Variants in NR3C2 observed in about 807,000 individuals in gnomAD.
The protein encoded by NR3C2 is nuclear receptor subfamily 3 group C member 2.
A neutral mutation model predicts 86.4 loss-of-function variants in NR3C2; 15 were observed. The observed-to-expected ratio is 0.17, with a 90% CI of 0.12 to 0.27. NR3C2 has a LOEUF of 0.27. Ranked by LOEUF, NR3C2 falls within the 10% of genes least tolerant of loss-of-function variation. The probability of loss-of-function intolerance (pLI) is 1.00; values close to 1 mark genes in which losing one functional copy is unlikely to be tolerated. For missense variants in NR3C2, 960 were observed against 1,195.6 expected (o/e 0.80, Z 2.91); for synonymous variants, 458 against 450.5 (o/e 1.02, Z -0.21).
chr4:148,251,370 A>G (rs757286854), intron 3 of NR3C2, among the ~76,000 whole-genome samples: 12 of 152,202 alleles, frequency 7.9e-5, no homozygotes, highest in Non-Finnish European at 1.3e-4. Context: ...ATGACAGTCA[A>G]TTTAGCAATT....
chr4:148,214,972 G>GGGCTGCGTGCAGCCTTC, intron 3 of NR3C2, among the ~76,000 whole-genome samples: 1 of 123,006 alleles, frequency 8.1e-6, no homozygotes, highest in Admixed American at 7.4e-5. Context: ...ATGCAGCCTG[G>GGGCTGCGTGCAGCCTTC]GGCTGCGTGC....
At chr4:148,294,906 T>C (rs1741972704) in intron 2 of NR3C2, among the ~76,000 whole-genome samples, 2 of 152,246 alleles carry the variant, frequency 1.3e-5, no homozygotes, top group East Asian at 3.9e-4. Flanking sequence ...GAGGATTGCT[T>C]GAGCCTAGGA....
intron 2 of NR3C2, among the ~76,000 whole-genome samples, chr4:148,290,126 T>A (rs189688064): frequency 0.014 from 2,163 of 152,192 alleles, 45 homozygotes; most frequent in African/African-American, 0.05. Context: ...TTCCGGGGCC[T>A]CTCTCTGTCT....
chr4:148,285,898 TA>T (rs1741497837), intron 2 of NR3C2, among the ~76,000 whole-genome samples: 1 of 152,226 alleles, frequency 6.6e-6, no homozygotes, highest in Non-Finnish European at 1.5e-5. Context: ...TGATACATTA[TA>T]AAATACATTT....
chr4:148,357,046 A>G (rs1297648242), intron 2 of NR3C2, among the ~76,000 whole-genome samples: 1 of 152,148 alleles, frequency 6.6e-6, no homozygotes, highest in Admixed American at 6.5e-5. Context: ...ACAATTTCAT[A>G]TAGGTTGAAC....
chr4:148,279,697 T>C (rs1354196892), intron 2 of NR3C2, among the ~76,000 whole-genome samples: 2 of 152,136 alleles, frequency 1.3e-5, no homozygotes, highest in East Asian at 3.8e-4. Context: ...TTGCATACAT[T>C]CTGTACTACA....
intron 1 of NR3C2, among the ~76,000 whole-genome samples, chr4:148,438,710 CATAA>C (rs1328464668): frequency 1.3e-5 from 2 of 152,100 alleles, no homozygotes; most frequent in African/African-American, 4.8e-5. Flanking sequence ...TAGCTGGACT[CATAA>C]ATAAATTTGC....
chr4:148,388,936 C>G (rs1255621800), intron 2 of NR3C2, among the ~76,000 whole-genome samples: 2 of 152,190 alleles, frequency 1.3e-5, no homozygotes, highest in African/African-American at 4.8e-5. Context: ...ATACACTTTG[C>G]CTTTGCAGGA....
chr4:148,376,145 C>CAAAAAAAAAAAA lies in NR3C2; in HGVS notation c.1757+58947_1757+58958dup, dbSNP rs70962716. ...AATCTATTCAAGGTCAGGAGTAAGG[C>CAAAAAAAAAAAA]AAAAAAAAAAAAAAAAACCCACGAC... On this transcript the variant is annotated intron_variant, in intron 2 of 8. Coordinates refer to ENST00000358102, the MANE Select transcript of NR3C2 (RefSeq NM_000901.5). Among the ~76,000 whole-genome samples the CAAAAAAAAAAAA allele has an allele frequency of 1.9e-5, 2 of 105,842 alleles. 1 individual carries two copies. Among genetic ancestry groups the CAAAAAAAAAAAA allele is most frequent in the Non-Finnish European group, 3.8e-5 (2 of 52,312 alleles). 69.4% of individuals were successfully genotyped at this position (105,842 alleles called of 152,430 possible).
At chr4:148,385,489 C>T (rs1747216070) in intron 2 of NR3C2, among the ~76,000 whole-genome samples, 1 of 152,212 alleles carries the variant, frequency 6.6e-6, no homozygotes. Context: ...CCTCAGGTTG[C>T]TCAGATTTCT....
At chr4:148,103,031 G>C (rs950875209) in intron 8 of NR3C2, among the ~76,000 whole-genome samples, 1 of 152,080 alleles carries the variant, frequency 6.6e-6, no homozygotes, top group Non-Finnish European at 1.5e-5. Context: ...TTGGATACAA[G>C]GACATTCTCT....
chr4:148,298,146 T>C (rs547252577), intron 2 of NR3C2, among the ~76,000 whole-genome samples: 186 of 152,172 alleles, frequency 1.2e-3, no homozygotes, highest in Non-Finnish European at 2.2e-3. Context: ...AGACTTGTGG[T>C]AGCATTCAAA....
intron 6 of NR3C2, chr4:148,146,499 A>G (rs1733876639): frequency 6.6e-6 from 1 of 152,594 alleles, no homozygotes; most frequent in Non-Finnish European, 1.5e-5. Flanking sequence ...ACTGAGGACA[A>G]CTGGACAGCG....
At chr4:148,128,793 G>A (rs1732870833) in intron 6 of NR3C2, among the ~76,000 whole-genome samples, 1 of 152,190 alleles carries the variant, frequency 6.6e-6, no homozygotes, top group African/African-American at 2.4e-5. Flanking sequence ...AGACCACTAG[G>A]AAGTCACATA....
chr4:148,136,549 T>C (rs1415786336), intron 6 of NR3C2, among the ~76,000 whole-genome samples: 1 of 152,164 alleles, frequency 6.6e-6, no homozygotes, highest in Non-Finnish European at 1.5e-5. Context: ...CACTTCACTA[T>C]ACCCATCCAA....
intron 6 of NR3C2, among the ~76,000 whole-genome samples, chr4:148,136,086 A>AAC (rs746743236): frequency 0.28 from 38,632 of 136,748 alleles, 6,604 homozygotes; most frequent in East Asian, 0.63. Flanking sequence ...ACAAAAAAAA[A>AAC]AAACACCACC....
chr4:148,236,750 A>G (rs1297463051), intron 3 of NR3C2, among the ~76,000 whole-genome samples: 1 of 152,238 alleles, frequency 6.6e-6, no homozygotes, highest in Non-Finnish European at 1.5e-5. Flanking sequence ...CAAACACTTT[A>G]CAGTGTGTGA....
At chr4:148,192,070 C>T (rs572702306) in intron 4 of NR3C2, among the ~76,000 whole-genome samples, 1 of 152,292 alleles carries the variant, frequency 6.6e-6, no homozygotes, top group East Asian at 1.9e-4. Flanking sequence ...CTTGTTTTGC[C>T]ATATTACCAG....
intron 6 of NR3C2, among the ~76,000 whole-genome samples, chr4:148,139,879 G>C (rs6856424): frequency 0.19 from 28,685 of 152,158 alleles, 3,163 homozygotes; most frequent in Middle Eastern, 0.32. Flanking sequence ...TTCATGGGTG[G>C]AAAAGAGGAA....
Sources: allele counts gnomAD v4.1 joint callset (sites outside exome capture counted in the v4.1 genomes callset), GRCh38; gene constraint gnomAD v4.1.1; transcripts MANE v1.5; gene names NCBI Gene and HGNC (gene_info 2026-07-23, HGNC 2026-07-21).